NELL1: variants seen among roughly 807,000 people sequenced by gnomAD.
The protein encoded by NELL1 is protein kinase C-binding protein NELL1.
A neutral mutation model predicts 107.4 loss-of-function variants in NELL1; 76 were observed. The observed-to-expected ratio is 0.71, with a 90% confidence interval of 0.59 to 0.86. NELL1 has a LOEUF of 0.86. NELL1 is among the 40% of genes least tolerant of loss of function. The pLI is 0.00. For synonymous variants in NELL1, 353 were observed against 341.2 expected (o/e 1.03, Z -0.38); for missense variants, 1,024 against 1,005.5 (o/e 1.02, Z -0.25).
intron 12 of NELL1, among the ~76,000 whole-genome samples, chr11:21,067,708 T>G (rs1034985347): frequency 5.3e-5 from 8 of 152,120 alleles, no homozygotes; most frequent in African/African-American, 1.9e-4. Context: ...GTATAATCTA[T>G]ATTCTTTAAC....
chr11:21,520,582 A>C (rs1855695650), intron 15 of NELL1, among the ~76,000 whole-genome samples: 1 of 152,198 alleles, frequency 6.6e-6, no homozygotes, highest in Non-Finnish European at 1.5e-5. Context: ...GCTTAGTTGC[A>C]TGGATCCCAT....
intron 14 of NELL1, among the ~76,000 whole-genome samples, chr11:21,252,013 A>G (rs1036328891): frequency 6.6e-6 from 1 of 152,174 alleles, no homozygotes; most frequent in African/African-American, 2.4e-5. Context: ...ATTAATGGAC[A>G]CATATGGAGT....
chr11:20,874,019 C>T (rs1849256319), intron 4 of NELL1, among the ~76,000 whole-genome samples: 1 of 152,158 alleles, frequency 6.6e-6, no homozygotes, highest in Non-Finnish European at 1.5e-5. Context: ...CCCTCCTTGG[C>T]CTCCCAAAGT....
intron 14 of NELL1, among the ~76,000 whole-genome samples, chr11:21,236,568 A>G (rs1394151987): frequency 6.6e-6 from 1 of 152,194 alleles, no homozygotes. Flanking sequence ...ATTCTATTTT[A>G]TGTTTAATGC....
At chr11:21,149,995 C>G (rs1231634959) in intron 13 of NELL1, among the ~76,000 whole-genome samples, 2 of 151,988 alleles carry the variant, frequency 1.3e-5, no homozygotes, top group African/African-American at 2.4e-5. Context: ...AAGGCGGTGG[C>G]TTTTGAGTTG....
intron 5 of NELL1, among the ~76,000 whole-genome samples, chr11:20,888,068 T>C (rs890162946): frequency 1.3e-5 from 2 of 151,898 alleles, no homozygotes; most frequent in Non-Finnish European, 2.9e-5. Context: ...CCAGAGATAG[T>C]TGAACTAAAA....
chr11:21,262,497 A>C (rs1171642826), intron 14 of NELL1: 1 of 151,940 alleles, frequency 6.6e-6, no homozygotes, highest in East Asian at 1.9e-4. Context: ...ACTATCTGGC[A>C]CATGGCAAAC....
intron 15 of NELL1, among the ~76,000 whole-genome samples, chr11:21,520,068 C>A (rs980906941): frequency 2.0e-5 from 3 of 152,140 alleles, no homozygotes; most frequent in Non-Finnish European, 4.4e-5. Context: ...GCCCTTTAGA[C>A]AGAGGAGCAT....
chr11:20,692,726 T>A (rs1472971131), intron 2 of NELL1, among the ~76,000 whole-genome samples: 3 of 152,126 alleles, frequency 2.0e-5, no homozygotes, highest in Non-Finnish European at 4.4e-5. Flanking sequence ...AATTTTGGAA[T>A]AAGTGTGATG....
intron 15 of NELL1, among the ~76,000 whole-genome samples, chr11:21,431,635 A>G (rs1238760315): frequency 6.6e-6 from 1 of 152,186 alleles, no homozygotes; most frequent in Non-Finnish European, 1.5e-5. Context: ...TAATGTATCC[A>G]TACACTACCA....
At chr11:21,076,290 G>T (rs562556176) in intron 12 of NELL1, among the ~76,000 whole-genome samples, 2 of 152,326 alleles carry the variant, frequency 1.3e-5, no homozygotes, top group East Asian at 3.9e-4. Context: ...TTTCCCCTCA[G>T]TTCCTCTTCA....
chr11:21,319,649 A>G (rs541649170), intron 14 of NELL1, among the ~76,000 whole-genome samples: 4 of 151,520 alleles, frequency 2.6e-5, no homozygotes, highest in Non-Finnish European at 5.9e-5. Flanking sequence ...GCCGGAAACT[A>G]TTCAAAAACA....
chr11:21,337,877 C>CTT (rs1850470920), intron 14 of NELL1, among the ~76,000 whole-genome samples: 1 of 141,228 alleles, frequency 7.1e-6, no homozygotes, highest in African/African-American at 2.6e-5. Flanking sequence ...TTCTTTCTTT[C>CTT]TTTCTTTCAG....
At chr11:21,113,825 T>A in intron 13 of NELL1, 111 bp downstream of exon 13, 4 of 1,122,412 alleles carry the variant, frequency 3.6e-6, no homozygotes, top group Non-Finnish European at 3.7e-6. Flanking sequence ...TCTAAATAGT[T>A]CTTCTCTTTA....
At chr11:21,324,271 C>T (rs1040639024) in intron 14 of NELL1, among the ~76,000 whole-genome samples, 4 of 151,964 alleles carry the variant, frequency 2.6e-5, no homozygotes, top group South Asian at 2.1e-4. Context: ...AGCTGGGATT[C>T]GGACAAAAGA....
intron 14 of NELL1, among the ~76,000 whole-genome samples, chr11:21,235,526 G>T (rs1276042764): frequency 6.6e-6 from 1 of 152,048 alleles, no homozygotes. Context: ...GAGCGGGGAG[G>T]TATATCTTTG....
At chr11:21,447,670 G>A (rs1853467920) in intron 15 of NELL1, among the ~76,000 whole-genome samples, 1 of 152,170 alleles carries the variant, frequency 6.6e-6, no homozygotes, top group Non-Finnish European at 1.5e-5. Context: ...TACATTGCCT[G>A]TGGTTGGGGG....
intron 14 of NELL1, among the ~76,000 whole-genome samples, chr11:21,249,780 G>A (rs1305668996): frequency 6.6e-6 from 1 of 152,120 alleles, no homozygotes; most frequent in East Asian, 1.9e-4. Context: ...AATCATCACA[G>A]TAGAGGCCCA....
intron 3 of NELL1, among the ~76,000 whole-genome samples, chr11:20,832,003 T>G (rs868250807): frequency 6.6e-6 from 1 of 152,186 alleles, no homozygotes; most frequent in Non-Finnish European, 1.5e-5. Context: ...GGGGTGGGAA[T>G]GTTTAGTCAT....
Sources: gnomAD v4.1 joint callset for allele counts (sites outside exome capture counted in the v4.1 genomes callset) on GRCh38, gnomAD v4.1.1 for gene constraint, MANE v1.5 for transcripts, NCBI Gene and HGNC (gene_info 2026-07-23, HGNC 2026-07-21) for gene names.